Variants in DSC1 observed in about 807,000 individuals in gnomAD.
The protein encoded by DSC1 is desmocollin-1.
A neutral mutation model predicts 98.8 loss-of-function variants in DSC1; 79 were observed. The ratio of observed to expected loss-of-function variants is 0.80; its 90% CI spans 0.67 to 0.96. The LOEUF (loss-of-function observed/expected upper bound fraction) is 0.96, where lower values mean the gene tolerates loss of function less well. Among genes scored for constraint, DSC1 ranks in the 50% least tolerant of loss-of-function variants. The probability of loss-of-function intolerance (pLI) is 0.00; values close to 1 mark genes in which losing one functional copy is unlikely to be tolerated. For synonymous variants in DSC1, 405 were observed against 372.1 expected, an observed-to-expected ratio of 1.09 and a Z score of -1.02; for missense variants, 1,115 against 1,075.9, an observed-to-expected ratio of 1.04 and a Z score of -0.51.
rs181001161 is a variant in DSC1 at position 31,145,846 on chromosome 18, C to T, written c.773-69G>A. ...AATTGAATTATAAACAAAATAAAAT[C>T]AAGGCATTGCTGTAGCAAATTCTCC... On this transcript the variant is annotated intron_variant, in intron 6 of 15. Transcript: ENST00000257198. 581 of 1,513,624 alleles carry T rather than the reference C, an allele frequency of 3.8e-4. 5 individuals are homozygous for T. The African/African-American group carries it at 7.6e-3, about 20-fold the overall frequency. The allele number at this position is 1,513,624 out of a possible 1,614,324, so 93.8% of individuals were successfully genotyped here. A position where few individuals can be genotyped will look rare whatever the true frequency, so the allele number is the denominator to read the frequency against.
intron 9 of DSC1, 64 bp from the exon 10 acceptor site, chr18:31,140,365 A>G: frequency 6.8e-7 from 1 of 1,469,318 alleles, no homozygotes; most frequent in Non-Finnish European, 9.1e-7. Context: ...TCTAATTTCA[A>G]ATTTTCCTAC....
At chr18:31,132,396 C>T (rs773296092) in intron 14 of DSC1, 172 bp downstream of exon 14, 7 of 799,890 alleles carry the variant, frequency 8.8e-6, no homozygotes, top group Non-Finnish European at 1.3e-5. Flanking sequence ...ACAGCCCTAG[C>T]CCTGTAGAAT....
chr18:31,137,364 T>C (rs921951219), intron 11 of DSC1, among the ~76,000 whole-genome samples: 5 of 152,180 alleles, frequency 3.3e-5, no homozygotes, highest in African/African-American at 1.2e-4. Context: ...ATGTTTAATC[T>C]CAATTTTCTA....
At chr18:31,156,890 C>T (rs916841983) in intron 3 of DSC1, among the ~76,000 whole-genome samples, 4 of 152,222 alleles carry the variant, frequency 2.6e-5, no homozygotes, top group African/African-American at 9.7e-5. Context: ...CACACCTCCA[C>T]TCTCTGAAGA....
At chr18:31,157,639 T>A in intron 2 of DSC1, 66 bp from the exon 3 acceptor site, 5 of 1,565,202 alleles carry the variant, frequency 3.2e-6, no homozygotes, top group South Asian at 1.1e-5. Context: ...TTTACAGGAA[T>A]GACAGCCGTG....
rs985291313 is a variant in DSC1 at position 31,129,773 on chromosome 18, T to C, written c.*741A>G. 1 of 152,192 alleles carries C rather than the reference T, an allele frequency of 6.6e-6. No homozygotes were observed. The highest frequency in any genetic ancestry group is 2.4e-5 in the African/African-American group (1 of 41,442). 9.4% of individuals were successfully genotyped at this position (152,192 alleles called of 1,614,324 possible). A position where few individuals can be genotyped will look rare whatever the true frequency, so the allele number is the denominator to read the frequency against. On this transcript the variant is annotated 3_prime_UTR_variant, in exon 16 of 16. Coordinates refer to ENST00000257198, the MANE Select transcript of DSC1 (RefSeq NM_024421.2). ...AACCCATGGACCTCAGGGCTGCAAT[T>C]CTTTCATGGAAATCTTCTCATGTAA...
At position 31,134,467 on chromosome 18, in the gene DSC1, A is replaced by G. The variant is rs1317718158; in HGVS notation, c.1876+105T>C. 1.6e-5 allele frequency: 17 copies of G among 1,058,748 alleles called. No individual in the cohort carries two copies. In the East Asian group the frequency reaches 4.2e-4, roughly 26 times the overall value. The allele number at this position is 1,058,748 out of a possible 1,614,324, so 65.6% of individuals were successfully genotyped here. ...TATTGTTGTTTTTAGGGTTAATAAA[A>G]TAATTTCCTAAAATAAATGTGTATT... is the stretch of plus-strand genomic sequence containing the variant. On this transcript the variant is annotated intron_variant, in intron 12 of 15. Coordinates refer to ENST00000257198, the MANE Select transcript of DSC1 (RefSeq NM_024421.2).
At chr18:31,160,237 AG>A (rs1320893875) in intron 1 of DSC1, among the ~76,000 whole-genome samples, 6 of 152,230 alleles carry the variant, frequency 3.9e-5, no homozygotes, top group African/African-American at 1.4e-4. Flanking sequence ...ACAAAAGAAA[AG>A]CTATCATTTC....
At chr18:31,130,958 C>T (rs182471852) in intron 15 of DSC1, 36 of 903,454 alleles carry the variant, frequency 4.0e-5, no homozygotes, top group Middle Eastern at 3.6e-4. Flanking sequence ...TATCACGCAA[C>T]ACATTTATAA....
chr18:31,145,521 G>C, intron 7 of DSC1, 90 bp downstream of exon 7: 2 of 1,432,930 alleles, frequency 1.4e-6, no homozygotes, highest in Non-Finnish European at 1.9e-6. Flanking sequence ...GAGAAAGGAG[G>C]CCAGACTGGC....
chr18:31,132,564 T>C lies in DSC1; in HGVS notation c.2238+4A>G. 6.2e-7 allele frequency: 1 copy of C among 1,612,806 alleles called. No homozygotes were observed. The highest frequency in any genetic ancestry group is 2.2e-5 in the East Asian group (1 of 44,784). ...AATTCAAAGGGATGTGAAATCTGATTTACCGTTACTTCTTCTCCAGGTCCT... is the reference window on the plus strand; with the variant it reads ...AATTCAAAGGGATGTGAAATCTGATCTACCGTTACTTCTTCTCCAGGTCCT... On this transcript the variant is annotated splice_donor_region_variant and intron_variant, in intron 14 of 15. Coordinates refer to ENST00000257198, the MANE Select transcript of DSC1 (RefSeq NM_024421.2).
intron 2 of DSC1, among the ~76,000 whole-genome samples, chr18:31,158,734 C>A (rs1989148598): frequency 6.6e-6 from 1 of 152,070 alleles, no homozygotes; most frequent in Admixed American, 6.5e-5. Context: ...TTGTAATCAA[C>A]CTCAAGTACA....
At position 31,159,730 on chromosome 18, in the gene DSC1, GA is replaced by G. The variant is rs1485822794; in HGVS notation, c.64-202del. Among the ~76,000 whole-genome samples, 3 of 152,030 alleles carry G rather than the reference GA, an allele frequency of 2.0e-5. No individual in the cohort carries two copies. In the East Asian group the frequency reaches 5.8e-4, roughly 29 times the overall value. On this transcript the variant is annotated intron_variant, in intron 1 of 15. Transcript: ENST00000257198. ...ATAGCACTGTCATTTATTTGTCAAT[GA>G]AAAAAATTAAGTGAATAGTAGTTCT...
intron 2 of DSC1, 84 bp from the exon 3 acceptor site, chr18:31,157,657 G>C (rs1989126846): frequency 1.4e-6 from 2 of 1,434,882 alleles, no homozygotes; most frequent in Admixed American, 3.5e-5. Flanking sequence ...GTGAGTTAAT[G>C]CATGAGAAGC....
At chr18:31,137,338 A>C (rs1181360919) in intron 11 of DSC1, among the ~76,000 whole-genome samples, 1 of 152,194 alleles carries the variant, frequency 6.6e-6, no homozygotes, top group East Asian at 1.9e-4. Context: ...GGGAAAAATA[A>C]AGAAGCACTT....
At chr18:31,154,377 C>T (rs1033415000) in intron 5 of DSC1, among the ~76,000 whole-genome samples, 4 of 151,494 alleles carry the variant, frequency 2.6e-5, no homozygotes, top group Non-Finnish European at 4.4e-5. Context: ...ACAATTAAAT[C>T]AGAATACTTG....
Position 31,129,857 on chromosome 18 carries a change from CA to C in DSC1, c.*656del, listed in dbSNP as rs1988445707. ...GAGCTTGTTCTGGTCCTTATCTTTC[CA>C]AGAACCCTAGAAGTTGGAGTGACCT... On this transcript the variant is annotated 3_prime_UTR_variant, in exon 16 of 16. Coordinates refer to ENST00000257198, the MANE Select transcript of DSC1 (RefSeq NM_024421.2). The C allele has an allele frequency of 6.6e-6, 1 of 152,124 alleles. No homozygotes were observed. The highest frequency in any genetic ancestry group is 6.6e-5 in the Admixed American group (1 of 15,266). 9.4% of individuals were successfully genotyped at this position (152,124 alleles called of 1,614,324 possible). A position where few individuals can be genotyped will look rare whatever the true frequency, so the allele number is the denominator to read the frequency against.
intron 4 of DSC1, among the ~76,000 whole-genome samples, chr18:31,155,356 G>A (rs193090259): frequency 3.0e-4 from 45 of 152,218 alleles, no homozygotes; most frequent in African/African-American, 4.6e-4. Context: ...TTGGCCGGGC[G>A]CAGTGGCTCA....
chr18:31,143,240 C>T (rs1418812921), intron 8 of DSC1, among the ~76,000 whole-genome samples: 1 of 151,868 alleles, frequency 6.6e-6, no homozygotes, highest in Admixed American at 6.6e-5. Context: ...CCAGCCTGTA[C>T]TACTGTCTCC....
Sources: allele counts gnomAD v4.1 joint callset (sites outside exome capture counted in the v4.1 genomes callset), GRCh38; gene constraint gnomAD v4.1.1; transcripts MANE v1.5; gene names NCBI Gene and HGNC (gene_info 2026-07-23, HGNC 2026-07-21).